The following S100PBP variants were observed in gnomAD, a reference collection of about 807,000 sequenced individuals.
S100PBP encodes S100P binding protein, also known as S100P-binding protein.
In S100PBP, 15 loss-of-function variants were observed where a neutral mutation model predicts 39.9. The observed-to-expected ratio is 0.38, with a 90% CI of 0.25 to 0.58. The LOEUF is 0.58. Among genes scored for constraint, S100PBP ranks in the 20% least tolerant of loss-of-function variants. The pLI is 0.70. For missense variants in S100PBP, 504 were observed against 487.3 expected (o/e 1.03, Z -0.32); for synonymous variants, 178 against 180.3 (o/e 0.99, Z 0.10).
chr1:32,847,281 A>T lies in S100PBP; in HGVS notation c.1025-5798A>T, dbSNP rs1329460053. 3.9e-5 allele frequency: 6 copies of T among 152,162 alleles called. 1 individual carries two copies. Among genetic ancestry groups the T allele is most frequent in the Admixed American group, 2.6e-4 (4 of 15,272 alleles). The allele number at this position is 152,162 out of a possible 1,614,324, so 9.4% of individuals were successfully genotyped here. A position where few individuals can be genotyped will look rare whatever the true frequency, so the allele number is the denominator to read the frequency against. ...CTACTGATGAAGTCTCTCTGCTTTT[A>T]TTTAGAACCTGTTTATTTTGCCTTC... On this transcript the variant is annotated intron_variant, in intron 5 of 6. Transcript: ENST00000373475.
chr1:32,830,170 C>T lies in S100PBP; in HGVS notation c.1024+103C>T, dbSNP rs544343577. The T allele has an allele frequency of 7.9e-5, 59 of 744,116 alleles. No individual in the cohort carries two copies. The African/African-American group carries it at 1.0e-3, about 13-fold the overall frequency. The allele number at this position is 744,116 out of a possible 1,614,324, so 46.1% of individuals were successfully genotyped here. A position where few individuals can be genotyped will look rare whatever the true frequency, so the allele number is the denominator to read the frequency against. On this transcript the variant is annotated intron_variant, in intron 5 of 6. Transcript: ENST00000373475. ...AGATTGTTTAGAATTTTCTTAAATT[C>T]TTGAGAAAGATAACTTCCTTACTTA...
intron 5 of S100PBP, among the ~76,000 whole-genome samples, chr1:32,837,405 C>A (rs1639879442): frequency 6.9e-6 from 1 of 145,136 alleles, no homozygotes; most frequent in Non-Finnish European, 1.5e-5. Flanking sequence ...CCTGCCTCAG[C>A]CTCCTAGCTG....
intron 1 of S100PBP, chr1:32,818,610 A>C (rs1409760147): frequency 6.6e-6 from 1 of 152,254 alleles, no homozygotes; most frequent in East Asian, 1.9e-4. Flanking sequence ...AGCTTAGCGC[A>C]TCTGTTCTCT....
intron 5 of S100PBP, among the ~76,000 whole-genome samples, chr1:32,838,940 G>C (rs896074053): frequency 6.6e-6 from 1 of 151,338 alleles, no homozygotes. Context: ...ATAATTTCTT[G>C]GTCTTGCACA....
chr1:32,817,710 G>A (rs1046429570), intron 1 of S100PBP, 21 bp downstream of exon 1: 2 of 218,840 alleles, frequency 9.1e-6, no homozygotes, highest in African/African-American at 4.6e-5. Context: ...GGAGGGACGA[G>A]GGGGTCGGCG....
intron 4 of S100PBP, among the ~76,000 whole-genome samples, chr1:32,828,689 T>A (rs953958071): frequency 6.6e-6 from 1 of 152,196 alleles, no homozygotes; most frequent in Admixed American, 6.5e-5. Context: ...ATACATTTAT[T>A]ACATTAATTT....
chr1:32,826,254 A>G lies in S100PBP; in HGVS notation c.155A>G (p.Asn52Ser), dbSNP rs763653317. The G allele has an allele frequency of 6.2e-7, 1 of 1,614,166 alleles. No homozygotes were observed. Residue 52 changes from asparagine (N) to serine (S), a missense_variant, in exon 3 of 7, where the codon AAT (asparagine) becomes AGT (serine). Asn to Ser is a conservative substitution (Grantham distance 46). Transcript: ENST00000373475. ...SEGEEDDGDV[N>S]YTEEEIDALL... is the part of the protein sequence containing the mutation. ...GGAGAAGAAGATGATGGTGATGTAA[A>G]TTACACAGAGGAAGAGATTGATGCA...
chr1:32,846,357 CTT>C (rs771602415), intron 5 of S100PBP, among the ~76,000 whole-genome samples: 9 of 136,466 alleles, frequency 6.6e-5, no homozygotes, highest in Non-Finnish European at 9.6e-5. Context: ...CTGGGTCTTG[CTT>C]TTTTTTTTTT....
chr1:32,840,412 A>G (rs759929377), intron 5 of S100PBP, among the ~76,000 whole-genome samples: 3 of 152,124 alleles, frequency 2.0e-5, no homozygotes, highest in South Asian at 2.1e-4. Context: ...CTGGAATGCA[A>G]TGGCATGATC....
Position 32,842,542 on chromosome 1 carries a change from C to G in S100PBP, c.1025-10537C>G, listed in dbSNP as rs1031588682. ...ATTTCTTAAGGCTTGGTGGGATTTC[C>G]ATTGGGATTGTATTGAGTCTATATA... On this transcript the variant is annotated intron_variant, in intron 5 of 6. Transcript: ENST00000373475. 5.3e-5 allele frequency among the ~76,000 whole-genome samples: 8 copies of G among 151,700 alleles called. No individual in the cohort carries two copies. The East Asian group carries it at 1.6e-3, about 29-fold the overall frequency.
intron 5 of S100PBP, chr1:32,847,701 T>C (rs182724828): frequency 3.9e-5 from 6 of 152,334 alleles, no homozygotes; most frequent in Non-Finnish European, 7.4e-5. Flanking sequence ...TACTAGATCA[T>C]CGCAGTTTTG....
intron 5 of S100PBP, among the ~76,000 whole-genome samples, chr1:32,851,681 CAAAAAAAAGA>C (rs1640616543): frequency 6.7e-6 from 1 of 150,134 alleles, no homozygotes. Context: ...CCACTACCCA[CAAAAAAAAGA>C]AAAAAAAAGT....
intron 5 of S100PBP, among the ~76,000 whole-genome samples, chr1:32,849,201 G>A (rs541538516): frequency 6.6e-6 from 1 of 151,412 alleles, no homozygotes; most frequent in Non-Finnish European, 1.5e-5. Context: ...TTGGAGTGCA[G>A]TGGTATGATC....
chr1:32,824,357 C>T (rs1268920303), intron 1 of S100PBP, among the ~76,000 whole-genome samples: 2 of 152,150 alleles, frequency 1.3e-5, no homozygotes, highest in African/African-American at 4.8e-5. Context: ...TTATACTTCT[C>T]AGATATGTGA....
At chr1:32,832,057 A>C (rs1246642245) in intron 5 of S100PBP, among the ~76,000 whole-genome samples, 1 of 152,224 alleles carries the variant, frequency 6.6e-6, no homozygotes, top group African/African-American at 2.4e-5. Flanking sequence ...TTGAGAGAGT[A>C]AAGTCTAGTC....
chr1:32,836,750 C>A (rs1474595412), intron 5 of S100PBP: 1 of 202,088 alleles, frequency 4.9e-6, no homozygotes, highest in Non-Finnish European at 8.8e-6. Context: ...TGGGTTGAAT[C>A]CTGTTTCTTG....
At chr1:32,827,404 A>G (rs1050427556) in intron 3 of S100PBP, among the ~76,000 whole-genome samples, 3 of 152,190 alleles carry the variant, frequency 2.0e-5, no homozygotes, top group Non-Finnish European at 4.4e-5. Context: ...AAGAGCTGAA[A>G]AATCTTGGGC....
At chr1:32,841,836 C>T (rs1281637165) in intron 5 of S100PBP, among the ~76,000 whole-genome samples, 6 of 147,294 alleles carry the variant, frequency 4.1e-5, no homozygotes, top group African/African-American at 1.5e-4. Context: ...ATGTTTTTTT[C>T]TAGAGGTTTT....
chr1:32,842,200 A>C (rs1461078177), intron 5 of S100PBP, among the ~76,000 whole-genome samples: 18 of 110,398 alleles, frequency 1.6e-4, no homozygotes, highest in Admixed American at 1.1e-3. Flanking sequence ...AAAAAAAAAA[A>C]AAACATATAT....
Sources: allele counts gnomAD v4.1 joint callset (sites outside exome capture counted in the v4.1 genomes callset), GRCh38; gene constraint gnomAD v4.1.1; transcripts MANE v1.5; gene names NCBI Gene and HGNC (gene_info 2026-07-23, HGNC 2026-07-21).